Variants in GCH1 observed in about 807,000 individuals in gnomAD.
GCH1 encodes GTP cyclohydrolase 1.
A neutral mutation model predicts 25.9 loss-of-function variants in GCH1; 5 were observed. The observed-to-expected ratio is 0.19, with a 90% CI of 0.10 to 0.41. The LOEUF is 0.41. Ranked by LOEUF, GCH1 falls within the 10% of genes least tolerant of loss-of-function variation. The pLI is 1.00. For synonymous variants in GCH1, 159 were observed against 129.6 expected, an observed-to-expected ratio of 1.23 and a Z score of -1.54; for missense variants, 261 against 336.5, an observed-to-expected ratio of 0.78 and a Z score of 1.75.
At chr14:54,852,146 GACTTT>G (rs2039740918) in intron 3 of GCH1, among the ~76,000 whole-genome samples, 2 of 152,236 alleles carry the variant, frequency 1.3e-5, no homozygotes, top group South Asian at 4.1e-4. Flanking sequence ...CGGAATCTAT[GACTTT>G]ACTAAAACAC....
intron 1 of GCH1, among the ~76,000 whole-genome samples, chr14:54,895,293 A>G (rs1259565120): frequency 6.6e-6 from 1 of 152,204 alleles, no homozygotes; most frequent in Admixed American, 6.5e-5. Context: ...CTCCAATGCC[A>G]TCTCCTCACG....
At chr14:54,848,550 C>A (rs1379053243) in intron 3 of GCH1, among the ~76,000 whole-genome samples, 1 of 152,114 alleles carries the variant, frequency 6.6e-6, no homozygotes, top group African/African-American at 2.4e-5. Context: ...AAATTCATGG[C>A]CTTTTGATCA....
intron 1 of GCH1, among the ~76,000 whole-genome samples, chr14:54,884,265 A>C (rs146791630): frequency 6.6e-5 from 10 of 152,328 alleles, no homozygotes; most frequent in African/African-American, 2.2e-4. Context: ...TGTATTGAAG[A>C]TTAAAATTTT....
Position 54,863,247 on chromosome 14 carries a change from T to C in GCH1, c.453+2080A>G, listed in dbSNP as rs148714072. Reference sequence around the variant, plus strand: ...ATCCTGGCTAACACCGTGAAACCCCTTCTCTACTAAAAATACAACAACAAA... The same window carrying C: ...ATCCTGGCTAACACCGTGAAACCCCCTCTCTACTAAAAATACAACAACAAA... On this transcript the variant is annotated intron_variant, in intron 2 of 5. Coordinates refer to ENST00000491895, the MANE Select transcript of GCH1 (RefSeq NM_000161.3). Among the ~76,000 whole-genome samples the C allele has an allele frequency of 2.0e-3, 298 of 151,010 alleles. 2 individuals carry two copies. The highest frequency in any genetic ancestry group is 6.9e-3 in the African/African-American group (286 of 41,182).
chr14:54,846,676 A>C (rs1376578782), intron 4 of GCH1, among the ~76,000 whole-genome samples: 1 of 152,268 alleles, frequency 6.6e-6, no homozygotes, highest in South Asian at 2.1e-4. Context: ...TTGAAACAGT[A>C]GACTTTTTAT....
intron 1 of GCH1, among the ~76,000 whole-genome samples, chr14:54,888,956 G>T (rs910651570): frequency 6.6e-6 from 1 of 152,180 alleles, no homozygotes; most frequent in African/African-American, 2.4e-5. Context: ...AACAGCCCCA[G>T]CCCTCAAAAA....
At chr14:54,876,847 C>T (rs999318877) in intron 1 of GCH1, among the ~76,000 whole-genome samples, 3 of 151,972 alleles carry the variant, frequency 2.0e-5, no homozygotes, top group African/African-American at 7.3e-5. Context: ...ACCTGCAAAG[C>T]AGTAAGAGAA....
chr14:54,861,030 C>T (rs79732449), intron 2 of GCH1, among the ~76,000 whole-genome samples: 3,819 of 152,292 alleles, frequency 0.025, 158 homozygotes, highest in African/African-American at 0.087. Flanking sequence ...AACATTAGTT[C>T]TCTGAAAAGA....
chr14:54,876,262 T>G lies in GCH1; in HGVS notation c.344-10826A>C, dbSNP rs192717697. 2.3e-3 allele frequency among the ~76,000 whole-genome samples: 347 copies of G among 152,184 alleles called. 3 individuals are homozygous for G. Among genetic ancestry groups the G allele is most frequent in the African/African-American group, 8.0e-3 (333 of 41,534 alleles). On this transcript the variant is annotated intron_variant, in intron 1 of 5. Coordinates refer to ENST00000491895, the MANE Select transcript of GCH1 (RefSeq NM_000161.3). ...TATTGCAAGGACAAAAAGCACCGCA[T>G]GTTCTCACTCATAGGTGGGAATTGA...
At chr14:54,860,583 C>T (rs1464485543) in intron 2 of GCH1, among the ~76,000 whole-genome samples, 2 of 150,284 alleles carry the variant, frequency 1.3e-5, no homozygotes, top group African/African-American at 4.9e-5. Context: ...CTCTGTCGCC[C>T]AGGCTGGAGT....
Position 54,843,116 on chromosome 14 carries a change from T to TA in GCH1, c.*900dup, listed in dbSNP as rs918838734. The TA allele has an allele frequency of 6.0e-5, 89 of 1,492,452 alleles. No homozygotes were observed. Among genetic ancestry groups the TA allele is most frequent in the South Asian group, 1.5e-4 (12 of 81,932 alleles). 92.5% of individuals were successfully genotyped at this position (1,492,452 alleles called of 1,614,324 possible). A position where few individuals can be genotyped will look rare whatever the true frequency, so the allele number is the denominator to read the frequency against. ...TACTTAGAAAAATATCTTATAAGAT[T>TA]AAAAAAAAGAAGAAGAAGAAACATT... is the stretch of plus-strand genomic sequence containing the variant. On this transcript the variant is annotated 3_prime_UTR_variant, in exon 6 of 6. Coordinates refer to ENST00000491895, the MANE Select transcript of GCH1 (RefSeq NM_000161.3).
At chr14:54,881,246 G>A (rs1486664308) in intron 1 of GCH1, among the ~76,000 whole-genome samples, 4 of 151,846 alleles carry the variant, frequency 2.6e-5, no homozygotes, top group African/African-American at 9.7e-5. Flanking sequence ...TTGCATGGAG[G>A]GGCTATAGGA....
At chr14:54,895,966 GAC>G (rs1424297382) in intron 1 of GCH1, among the ~76,000 whole-genome samples, 1 of 152,190 alleles carries the variant, frequency 6.6e-6, no homozygotes. Context: ...TGCACAAGGA[GAC>G]AGTCATGGAG....
At chr14:54,852,004 G>GGTCT (rs1302770232) in intron 3 of GCH1, among the ~76,000 whole-genome samples, 1 of 152,198 alleles carries the variant, frequency 6.6e-6, no homozygotes, top group Admixed American at 6.5e-5. Flanking sequence ...TGGCCAGGCT[G>GGTCT]GTCTCGAACT....
intron 1 of GCH1, among the ~76,000 whole-genome samples, chr14:54,899,353 C>A (rs2040530223): frequency 6.6e-6 from 1 of 152,090 alleles, no homozygotes. Context: ...TCCAGCTATT[C>A]AGGAGGCTGA....
At chr14:54,845,974 C>T in intron 4 of GCH1, 122 bp from the exon 5 acceptor site, 2 of 723,224 alleles carry the variant, frequency 2.8e-6, no homozygotes, top group South Asian at 1.5e-5. Context: ...AGCCAAGACA[C>T]ACCAGCTTTT....
rs369999017 is a variant in GCH1, at chr14:54,885,037, C to T, written c.343+17284G>A. On this transcript the variant is annotated intron_variant, in intron 1 of 5. Transcript: ENST00000491895. ...TTCTTCTGCATGATCTGGTGCTGTT[C>T]CGGTGTGGCCCATTGCAGACACTGA... The T allele has an allele frequency of 1.8e-4, 51 of 289,566 alleles. No homozygotes were observed. In the South Asian group the frequency reaches 2.0e-3, roughly 12 times the overall value. The allele number at this position is 289,566 out of a possible 1,614,324, so 17.9% of individuals were successfully genotyped here. A position where few individuals can be genotyped will look rare whatever the true frequency, so the allele number is the denominator to read the frequency against.
intron 5 of GCH1, 27 bp from the exon 6 acceptor site, chr14:54,844,170 T>C: frequency 6.6e-7 from 1 of 1,511,740 alleles, no homozygotes; most frequent in South Asian, 1.1e-5. Context: ...CACAGGTTGT[T>C]TAAAGGAGTA....
chr14:54,859,457 T>C (rs2039862383), intron 3 of GCH1: 2 of 560,122 alleles, frequency 3.6e-6, no homozygotes, highest in African/African-American at 1.9e-5. Flanking sequence ...CCAGGATGTA[T>C]GTATCTATGG....
Sources: allele counts gnomAD v4.1 joint callset (sites outside exome capture counted in the v4.1 genomes callset), GRCh38; gene constraint gnomAD v4.1.1; transcripts MANE v1.5; gene names NCBI Gene and HGNC (gene_info 2026-07-23, HGNC 2026-07-21).